Variants in DMXL2 observed in about 807,000 individuals in gnomAD.
DMXL2 encodes the protein Dmx like 2.
In DMXL2, 103 loss-of-function variants were observed where a neutral mutation model predicts 331.1. The ratio of observed to expected loss-of-function variants is 0.31; its 90% CI spans 0.27 to 0.37. The LOEUF (loss-of-function observed/expected upper bound fraction) is 0.37. Among genes scored for constraint, DMXL2 ranks in the 10% least tolerant of loss-of-function variants. DMXL2 has a pLI of 1.00. For missense variants in DMXL2, 3,171 were observed against 3,642.9 expected (o/e 0.87, Z 3.33); for synonymous variants, 1,281 against 1,252.1 (o/e 1.02, Z -0.49).
intron 2 of DMXL2, among the ~76,000 whole-genome samples, chr15:51,573,109 G>A (rs544038975): frequency 6.6e-6 from 1 of 152,254 alleles, no homozygotes; most frequent in Non-Finnish European, 1.5e-5. Flanking sequence ...CGTCATCACT[G>A]GTCATTAGAG....
intron 1 of DMXL2, among the ~76,000 whole-genome samples, chr15:51,619,035 C>T (rs7177471): frequency 0.5 from 76,303 of 151,928 alleles, 19,391 homozygotes; most frequent in Non-Finnish European, 0.52. Flanking sequence ...AAAATCATCA[C>T]GTATGATCAT....
chr15:51,524,711 A>G (rs1233480891), intron 13 of DMXL2, among the ~76,000 whole-genome samples: 1 of 152,152 alleles, frequency 6.6e-6, no homozygotes, highest in African/African-American at 2.4e-5. Context: ...AGCCCTACCC[A>G]GAGGGGAATC....
chr15:51,476,534 T>G, intron 27 of DMXL2, 55 bp downstream of exon 27: 1 of 1,581,694 alleles, frequency 6.3e-7, no homozygotes, highest in Non-Finnish European at 8.5e-7. Context: ...AGTAGGCTTT[T>G]AGGAAGAAAT....
In DMXL2 at chr15:51,536,822, C is replaced by T; in HGVS notation, c.1658G>A (p.Gly553Asp). 1 of 1,611,822 alleles carries T rather than the reference C, an allele frequency of 6.2e-7. No individual in the cohort carries two copies. The highest frequency in any genetic ancestry group is 8.5e-7 in the Non-Finnish European group (1 of 1,179,314). The change falls in exon 12 of 44, where the codon GGT becomes GAT. Residue 553 changes from glycine to aspartate, a missense_variant. Coordinates refer to ENST00000560891, the MANE Select transcript of DMXL2 (RefSeq NM_001378457.1). Reference sequence around the variant, plus strand: ...ATTTTTACTAAGAGAGCTTGCATCACCAGAGGGAAATGCAACAGGAATCCG... The same window carrying T: ...ATTTTTACTAAGAGAGCTTGCATCATCAGAGGGAAATGCAACAGGAATCCG... ...SSRIPVAFPS[G>D]DASSLSKNIM...
chr15:51,617,307 C>G (rs527890990), intron 1 of DMXL2, among the ~76,000 whole-genome samples: 79 of 152,340 alleles, frequency 5.2e-4, no homozygotes, highest in Middle Eastern at 3.4e-3. Flanking sequence ...CACCATCACA[C>G]TGGTCCCATC....
chr15:51,568,567 G>C lies in DMXL2; in HGVS notation c.214-9C>G. On this transcript the variant is annotated splice_polypyrimidine_tract_variant and intron_variant, in intron 2 of 43. Transcript: ENST00000560891. ...CCATATGAAGCTGCAATCTAAAAAA[G>C]AATAAATACAGCATTAATATCTAGA... The C allele has an allele frequency of 6.5e-7, 1 of 1,546,516 alleles. No individual in the cohort carries two copies. Among genetic ancestry groups the C allele is most frequent in the Non-Finnish European group, 8.7e-7 (1 of 1,146,036 alleles).
In DMXL2 at chr15:51,580,144, T is replaced by C. The variant is rs114229288; in HGVS notation, c.88-3963A>G. On this transcript the variant is annotated intron_variant, in intron 1 of 43. Coordinates refer to ENST00000560891, the MANE Select transcript of DMXL2 (RefSeq NM_001378457.1). ...GCATTCTGTAAAGACCAACAGTTTA[T>C]ACAAAATCTATAATTTACTCAAAAG... is the stretch of plus-strand genomic sequence containing the variant. 4.0e-3 allele frequency among the ~76,000 whole-genome samples: 608 copies of C among 152,304 alleles called. 7 individuals are homozygous for C. The highest frequency in any genetic ancestry group is 0.014 in the African/African-American group (593 of 41,580).
intron 1 of DMXL2, among the ~76,000 whole-genome samples, chr15:51,618,893 G>A (rs1248196966): frequency 6.6e-6 from 1 of 152,098 alleles, no homozygotes; most frequent in African/African-American, 2.4e-5. Flanking sequence ...CCCTAAGAGT[G>A]CAAATGACTT....
intron 29 of DMXL2, among the ~76,000 whole-genome samples, chr15:51,468,491 A>C (rs1337741985): frequency 6.6e-6 from 1 of 152,218 alleles, no homozygotes; most frequent in Non-Finnish European, 1.5e-5. Flanking sequence ...CAAAGCTGAA[A>C]GCAAAACAAA....
rs566781666 is a variant in DMXL2 at position 51,515,522 on chromosome 15, T to C, written c.2527-963A>G. The stretch of plus-strand genomic sequence containing the variant: ...TAGAAACATTAAAAATCTCTTCACA[T>C]TCATTGTCTAGGAGGTCATTTCCCC... On this transcript the variant is annotated intron_variant, in intron 14 of 43. Coordinates refer to ENST00000560891, the MANE Select transcript of DMXL2 (RefSeq NM_001378457.1). Among the ~76,000 whole-genome samples, 15 of 152,298 alleles carry C rather than the reference T, an allele frequency of 9.8e-5. No individual in the cohort carries two copies. In the East Asian group the frequency reaches 2.7e-3, roughly 27 times the overall value.
chr15:51,482,203 A>G (rs1595959426), intron 23 of DMXL2, among the ~76,000 whole-genome samples: 1 of 152,308 alleles, frequency 6.6e-6, no homozygotes, highest in East Asian at 1.9e-4. Flanking sequence ...ATGAACTCTA[A>G]AAAGTGAGTT....
At chr15:51,487,897 C>T (rs1268583286) in intron 22 of DMXL2, 57 bp downstream of exon 22, 5 of 1,408,474 alleles carry the variant, frequency 3.5e-6, no homozygotes, top group Non-Finnish European at 3.8e-6. Context: ...TCCTCTACAA[C>T]CTTCTTAGGT....
Position 51,542,427 on chromosome 15 carries a change from G to C in DMXL2, c.1011C>G (p.Asp337Glu). ...VLVTHAELMP[D>E]QTAMHEVQRH... The stretch of plus-strand genomic sequence containing the variant: ...TTTGAACTTCATGCATTGCTGTCTG[G>C]TCGGGCATTAATTCAGCATGAGTTA... Residue 337 changes from aspartate to glutamate, a missense_variant, in exon 9 of 44, where the codon GAC becomes GAG. Physicochemically the swap from Asp to Glu is conservative, Grantham distance 45. This residue lies in a region of DMXL2 where 1,674 missense variants were observed against 1,780.2 expected (regional missense o/e 0.94). Transcript: ENST00000560891. The C allele has an allele frequency of 6.2e-7, 1 of 1,613,714 alleles. No homozygotes were observed. The highest frequency in any genetic ancestry group is 1.1e-5 in the South Asian group (1 of 91,068).
chr15:51,499,384 A>G lies in DMXL2; in HGVS notation c.3840T>C (p.Phe1280=). Residue 1280 remains phenylalanine, a synonymous_variant, in exon 18 of 44, where the codon TTT becomes TTC. Coordinates refer to ENST00000560891, the MANE Select transcript of DMXL2 (RefSeq NM_001378457.1). ...VYAQWKHAVK[F]GDTEADSSNA... Reference sequence around the variant, plus strand: ...TAGAACTATCAGCTTCAGTGTCTCCAAATTTGACAGCATGCTTCCACTGTG... The same window carrying G: ...TAGAACTATCAGCTTCAGTGTCTCCGAATTTGACAGCATGCTTCCACTGTG... The G allele has an allele frequency of 7.4e-6, 12 of 1,613,948 alleles. No homozygotes were observed. The highest frequency in any genetic ancestry group is 9.3e-6 in the Non-Finnish European group (11 of 1,179,990).
At chr15:51,551,032 T>G (rs2049184545) in intron 6 of DMXL2, among the ~76,000 whole-genome samples, 1 of 152,016 alleles carries the variant, frequency 6.6e-6, no homozygotes, top group Non-Finnish European at 1.5e-5. Context: ...GAAAATGCCT[T>G]CTAGTGGGAG....
chr15:51,462,263 T>G (rs1329328532), intron 33 of DMXL2, among the ~76,000 whole-genome samples: 2 of 152,322 alleles, frequency 1.3e-5, no homozygotes, highest in East Asian at 1.9e-4. Flanking sequence ...TTGAGCCGTA[T>G]GGACTCTCTC....
At chr15:51,455,922 A>G (rs2039579036) in intron 39 of DMXL2, 144 bp downstream of exon 39, 1 of 879,602 alleles carries the variant, frequency 1.1e-6, no homozygotes, top group South Asian at 1.7e-5. Flanking sequence ...AAGAAAAGAG[A>G]GTGTATGAAT....
At chr15:51,547,141 G>T in intron 7 of DMXL2, 89 bp downstream of exon 7, 1 of 1,174,694 alleles carries the variant, frequency 8.5e-7, no homozygotes, top group Non-Finnish European at 1.2e-6. Flanking sequence ...GCTATTAATT[G>T]CCACCATGTA....
In DMXL2 at chr15:51,568,470, T is replaced by C; in HGVS notation, c.285+17A>G. On this transcript the variant is annotated intron_variant, in intron 3 of 43. Coordinates refer to ENST00000560891, the MANE Select transcript of DMXL2 (RefSeq NM_001378457.1). ...TAACTAGATTCTAAAAGTATTCTAT[T>C]ATTGGTTAATACTTACACAATTTCT... is the stretch of plus-strand genomic sequence containing the variant. The C allele has an allele frequency of 6.9e-7, 1 of 1,440,334 alleles. No individual in the cohort carries two copies. Among genetic ancestry groups the C allele is most frequent in the Non-Finnish European group, 9.5e-7 (1 of 1,055,366 alleles). 89.2% of individuals were successfully genotyped at this position (1,440,334 alleles called of 1,614,324 possible).
Sources: allele counts gnomAD v4.1 joint callset (sites outside exome capture counted in the v4.1 genomes callset), GRCh38; gene constraint gnomAD v4.1.1; regional missense constraint gnomAD v4.1.1; transcripts MANE v1.5; gene names NCBI Gene and HGNC (gene_info 2026-07-23, HGNC 2026-07-21).